The following CELA2A variants were observed in gnomAD, a reference collection of about 807,000 sequenced individuals.
The protein encoded by CELA2A is chymotrypsin like elastase 2A.
CELA2A carries 31 observed loss-of-function variants against 35.3 expected under a neutral mutation model. That is an observed-to-expected ratio of 0.88 (90% CI 0.66 to 1.19). The LOEUF (loss-of-function observed/expected upper bound fraction) is 1.19, where lower values mean the gene tolerates loss of function less well. Ranked by LOEUF, CELA2A falls within the 50% of genes most tolerant of loss-of-function variation. CELA2A has a pLI of 0.00. For missense variants in CELA2A, 330 were observed against 352.9 expected (o/e 0.94, Z 0.52); for synonymous variants, 150 against 149.8 (o/e 1.00, Z -0.01).
chr1:15,461,685 C>T (rs377324941), intron 3 of CELA2A, 27 bp downstream of exon 3: 18 of 1,613,664 alleles, frequency 1.1e-5, no homozygotes, highest in Non-Finnish European at 1.4e-5. Flanking sequence ...GGGCGCTTGG[C>T]CTGCTCACCA....
chr1:15,470,090 TG>T (rs1431104445), intron 7 of CELA2A, among the ~76,000 whole-genome samples: 2 of 152,138 alleles, frequency 1.3e-5, no homozygotes, highest in Non-Finnish European at 2.9e-5. Flanking sequence ...CCTGTGTTCA[TG>T]GGAGAGCAGT....
chr1:15,466,110 GT>G lies in CELA2A; in HGVS notation c.606del (p.Cys202TrpfsTer7). 6.2e-7 allele frequency: 1 copy of G among 1,614,122 alleles called. No homozygotes were observed. The highest frequency in any genetic ancestry group is 8.5e-7 in the Non-Finnish European group (1 of 1,180,004). ...WGSSVKTSMI[C>X]AGGDGVISSC... ...AGCAGCGTGAAAACCAGTATGATCT[GT>G]GCTGGGGGTGATGGCGTGATCTCCA... On this transcript the variant is annotated frameshift_variant, in exon 6 of 8. Transcript: ENST00000359621. LOFTEE classifies it high-confidence loss of function.
chr1:15,459,326 T>G (rs1708402330), intron 2 of CELA2A, among the ~76,000 whole-genome samples: 1 of 126,602 alleles, frequency 7.9e-6, no homozygotes, highest in Admixed American at 8.6e-5. Flanking sequence ...CCACACCCGG[T>G]TAAGTTTCTT....
intron 2 of CELA2A, among the ~76,000 whole-genome samples, chr1:15,458,676 G>T (rs1007667316): frequency 2.0e-5 from 3 of 152,050 alleles, no homozygotes; most frequent in Non-Finnish European, 4.4e-5. Context: ...ACTTTGGCAG[G>T]CCGAGGCAGG....
At chr1:15,471,543 C>G (rs1435295605) in intron 7 of CELA2A, among the ~76,000 whole-genome samples, 2 of 151,422 alleles carry the variant, frequency 1.3e-5, no homozygotes, top group Non-Finnish European at 2.9e-5. Flanking sequence ...GTGAGACTGT[C>G]TCAAAAAGAA....
chr1:15,467,546 C>G lies in CELA2A; in HGVS notation c.792+8C>G. The G allele has an allele frequency of 6.2e-7, 1 of 1,613,786 alleles. No homozygotes were observed. The highest frequency in any genetic ancestry group is 8.5e-7 in the Non-Finnish European group (1 of 1,179,832). On this transcript the variant is annotated splice_region_variant and intron_variant, in intron 7 of 7. Transcript: ENST00000359621. The stretch of plus-strand genomic sequence containing the variant: ...ATCGACTGGATCAATTCGGTAAGAA[C>G]CGGACCAGCCCTGAGCCCCAAGGCA...
chr1:15,471,053 CAT>C (rs1363622931), intron 7 of CELA2A, among the ~76,000 whole-genome samples: 1 of 152,208 alleles, frequency 6.6e-6, no homozygotes, highest in African/African-American at 2.4e-5. Context: ...TTAGTACATA[CAT>C]GTCATTCTTT....
In CELA2A at chr1:15,469,812, G is replaced by A. The variant is rs188786002; in HGVS notation, c.793-2178G>A. Among the ~76,000 whole-genome samples, 145 of 152,300 alleles carry A rather than the reference G, an allele frequency of 9.5e-4. 2 individuals carry two copies. In the East Asian group the frequency reaches 0.024, roughly 25 times the overall value. On this transcript the variant is annotated intron_variant, in intron 7 of 7. Coordinates refer to ENST00000359621, the MANE Select transcript of CELA2A (RefSeq NM_033440.3). The stretch of plus-strand genomic sequence containing the variant: ...GAGCCTGGCCTGAGACTGACTGGAC[G>A]AGAGGCTGCTTAGGGGCCTTTCTCA...
At chr1:15,469,684 T>A (rs1461910983) in intron 7 of CELA2A, among the ~76,000 whole-genome samples, 3 of 152,066 alleles carry the variant, frequency 2.0e-5, no homozygotes, top group Admixed American at 6.6e-5. Context: ...AAATGAAAAA[T>A]CAAAAAGACA....
chr1:15,467,695 C>G (rs1246342256), intron 7 of CELA2A, among the ~76,000 whole-genome samples, 157 bp downstream of exon 7: 2 of 152,154 alleles, frequency 1.3e-5, no homozygotes, highest in African/African-American at 4.8e-5. Flanking sequence ...ACTGCTGGGC[C>G]TGCCATGGGT....
chr1:15,463,300 A>G (rs1708465451), intron 4 of CELA2A, 86 bp from the exon 5 acceptor site: 3 of 1,591,958 alleles, frequency 1.9e-6, no homozygotes, highest in Non-Finnish European at 2.6e-6. Context: ...GGTACAGGGA[A>G]GATGACAAGG....
At chr1:15,464,166 T>C (rs1463440441) in intron 5 of CELA2A, among the ~76,000 whole-genome samples, 4 of 152,168 alleles carry the variant, frequency 2.6e-5, no homozygotes, top group African/African-American at 9.7e-5. Context: ...GTTGTCACTG[T>C]CCCTATGATG....
chr1:15,471,575 A>G (rs914524431), intron 7 of CELA2A, among the ~76,000 whole-genome samples: 2 of 152,128 alleles, frequency 1.3e-5, no homozygotes, highest in African/African-American at 4.8e-5. Context: ...AAATAAAAAA[A>G]AAAACGTTTA....
chr1:15,462,990 G>A, intron 4 of CELA2A, 129 bp downstream of exon 4: 1 of 1,378,232 alleles, frequency 7.3e-7, no homozygotes, highest in African/African-American at 1.4e-5. Flanking sequence ...AGGAGCTCTG[G>A]CCTCTTAGAT....
chr1:15,466,298 C>T (rs1230315842), intron 6 of CELA2A, among the ~76,000 whole-genome samples, 154 bp downstream of exon 6: 2 of 152,140 alleles, frequency 1.3e-5, no homozygotes, highest in Admixed American at 1.3e-4. Flanking sequence ...CACGGTGGCT[C>T]ACACCTGTAA....
Position 15,467,511 on chromosome 1 carries a change from C to A in CELA2A, c.765C>A (p.Val255=), listed in dbSNP as rs888121085. ...ACAAGCCCTCCGTCTTCACGCGGGT[C>A]TCCAATTACATCGACTGGATCAATT... The part of the protein sequence containing the change: ...YYHKPSVFTR[V]SNYIDWINSV... The change falls in exon 7 of 8, where the codon GTC becomes GTA. Residue 255 remains valine, a synonymous_variant. Coordinates refer to ENST00000359621, the MANE Select transcript of CELA2A (RefSeq NM_033440.3). The A allele has an allele frequency of 1.2e-6, 2 of 1,614,066 alleles. No individual in the cohort carries two copies. Among genetic ancestry groups the A allele is most frequent in the Non-Finnish European group, 1.7e-6 (2 of 1,180,052 alleles).
At position 15,466,013 on chromosome 1, in the gene CELA2A, C is replaced by T. The variant is rs1377344084; in HGVS notation, c.508C>T (p.Pro170Ser). ...ATCTCATTCAGCCAACGGGGCTGTT[C>T]CTGATGTCCTGCAGCAGGGCCGGTT... ...WGRLQTNGAV[P>S]DVLQQGRLLV... The change falls in exon 6 of 8, where the codon CCT (proline) becomes TCT (serine). Residue 170 changes from proline (P) to serine (S), a missense_variant. Pro to Ser is a moderately conservative substitution (Grantham distance 74). Coordinates refer to ENST00000359621, the MANE Select transcript of CELA2A (RefSeq NM_033440.3). 2 of 1,614,034 alleles carry T rather than the reference C, an allele frequency of 1.2e-6. No individual in the cohort carries two copies. Among genetic ancestry groups the T allele is most frequent in the Non-Finnish European group, 1.7e-6 (2 of 1,180,046 alleles).
intron 7 of CELA2A, among the ~76,000 whole-genome samples, chr1:15,471,049 C>T (rs983133546): frequency 3.9e-5 from 6 of 152,232 alleles, no homozygotes; most frequent in Non-Finnish European, 2.9e-5. Context: ...CATGTTAGTA[C>T]ATACATGTCA....
intron 7 of CELA2A, among the ~76,000 whole-genome samples, chr1:15,469,184 A>G (rs2103306370): frequency 6.6e-6 from 1 of 152,142 alleles, no homozygotes; most frequent in African/African-American, 2.4e-5. Context: ...TCTCAAAAGA[A>G]AAAAAAACAC....
Sources: gnomAD v4.1 joint callset for allele counts (sites outside exome capture counted in the v4.1 genomes callset) on GRCh38, gnomAD v4.1.1 for gene constraint, MANE v1.5 for transcripts, NCBI Gene and HGNC (gene_info 2026-07-23, HGNC 2026-07-21) for gene names.